GTF2F2: variants seen among roughly 807,000 people sequenced by gnomAD.
GTF2F2 encodes the protein general transcription factor IIF subunit 2.
Under a neutral mutation model 42.2 loss-of-function variants are expected in GTF2F2, and 23 were observed. The ratio of observed to expected loss-of-function variants is 0.55; its 90% confidence interval spans 0.39 to 0.77. GTF2F2 has a LOEUF of 0.77. GTF2F2 is among the 30% of genes least tolerant of loss of function. The probability of loss-of-function intolerance (pLI) is 0.00; values close to 1 mark genes in which losing one functional copy is unlikely to be tolerated. For synonymous variants in GTF2F2, 105 were observed against 100.8 expected (o/e 1.04, Z -0.25); for missense variants, 261 against 287.2 (o/e 0.91, Z 0.66).
At chr13:45,171,283 C>T (rs180755679) in intron 4 of GTF2F2, among the ~76,000 whole-genome samples, 17 of 151,962 alleles carry the variant, frequency 1.1e-4, no homozygotes, top group Admixed American at 7.2e-4. Flanking sequence ...TTCGCCATGT[C>T]GGCCAGGCTG....
intron 5 of GTF2F2, among the ~76,000 whole-genome samples, chr13:45,251,729 A>G (rs928358105): frequency 3.3e-5 from 5 of 152,048 alleles, no homozygotes; most frequent in African/African-American, 1.2e-4. Flanking sequence ...GTAGTTTCTC[A>G]GTGAGGATCT....
At chr13:45,279,318 T>A (rs1877163561) in intron 7 of GTF2F2, among the ~76,000 whole-genome samples, 1 of 152,208 alleles carries the variant, frequency 6.6e-6, no homozygotes, top group Non-Finnish European at 1.5e-5. Context: ...TTAAAACCTC[T>A]TCTTCAGTTG....
chr13:45,226,512 C>T (rs957035), intron 5 of GTF2F2, among the ~76,000 whole-genome samples: 33,180 of 152,050 alleles, frequency 0.22, 3,881 homozygotes, highest in African/African-American at 0.27. Context: ...CAGAGACATA[C>T]TATTTTGATT....
intron 6 of GTF2F2, among the ~76,000 whole-genome samples, chr13:45,264,218 C>T (rs182027147): frequency 1.5e-4 from 23 of 151,690 alleles, no homozygotes; most frequent in African/African-American, 4.8e-4. Flanking sequence ...ACATTAACTT[C>T]AATTTGAGAT....
At chr13:45,265,312 A>G (rs1876519621) in intron 6 of GTF2F2, among the ~76,000 whole-genome samples, 1 of 151,812 alleles carries the variant, frequency 6.6e-6, no homozygotes, top group South Asian at 2.1e-4. Context: ...TAACAATACA[A>G]TCTGTGTCAT....
chr13:45,121,382 AG>A (rs1868624635), intron 1 of GTF2F2, among the ~76,000 whole-genome samples: 1 of 152,218 alleles, frequency 6.6e-6, no homozygotes, highest in South Asian at 2.1e-4. Context: ...GTTTTCTCCT[AG>A]GGGAGTTTCA....
At chr13:45,125,384 A>G (rs376281804) in intron 1 of GTF2F2, among the ~76,000 whole-genome samples, 1 of 151,922 alleles carries the variant, frequency 6.6e-6, no homozygotes, top group African/African-American at 2.4e-5. Context: ...CAGTGGCGCA[A>G]TCTTGGCTCA....
chr13:45,177,851 G>A (rs1340274225), intron 4 of GTF2F2, among the ~76,000 whole-genome samples: 1 of 152,160 alleles, frequency 6.6e-6, no homozygotes, highest in Non-Finnish European at 1.5e-5. Context: ...GTATTCTACT[G>A]TTAGTTTTAT....
At chr13:45,125,642 G>T (rs958274267) in intron 1 of GTF2F2, among the ~76,000 whole-genome samples, 1 of 152,036 alleles carries the variant, frequency 6.6e-6, no homozygotes, top group African/African-American at 2.4e-5. Context: ...CTCTTTAATG[G>T]GTTATCTCCC....
intron 2 of GTF2F2, among the ~76,000 whole-genome samples, chr13:45,137,795 A>T (rs957863995): frequency 2.6e-5 from 4 of 151,980 alleles, no homozygotes; most frequent in Non-Finnish European, 4.4e-5. Context: ...GGGAAAACAG[A>T]CTCCACCTTT....
At chr13:45,262,909 T>C (rs1876405435) in intron 6 of GTF2F2, among the ~76,000 whole-genome samples, 1 of 151,678 alleles carries the variant, frequency 6.6e-6, no homozygotes, top group Admixed American at 6.6e-5. Context: ...GCTAATTTTG[T>C]AGAGATGGGT....
chr13:45,211,851 G>T (rs1440906853), intron 5 of GTF2F2, among the ~76,000 whole-genome samples: 2 of 152,126 alleles, frequency 1.3e-5, no homozygotes, highest in Admixed American at 1.3e-4. Flanking sequence ...CTCCCAAAGT[G>T]CTGGGATTAC....
intron 2 of GTF2F2, among the ~76,000 whole-genome samples, chr13:45,139,668 A>G (rs1869824416): frequency 6.6e-6 from 1 of 152,156 alleles, no homozygotes; most frequent in South Asian, 2.1e-4. Flanking sequence ...TCCTTCTACT[A>G]TACCCATCTG....
chr13:45,137,993 C>T (rs1442578895), intron 2 of GTF2F2, among the ~76,000 whole-genome samples: 2 of 152,286 alleles, frequency 1.3e-5, no homozygotes, highest in South Asian at 2.1e-4. Flanking sequence ...CGGCCACGTC[C>T]ACATTCCTAA....
At chr13:45,163,941 G>A (rs981490727) in intron 4 of GTF2F2, among the ~76,000 whole-genome samples, 15 of 151,806 alleles carry the variant, frequency 9.9e-5, no homozygotes, top group African/African-American at 3.6e-4. Flanking sequence ...ATCACTTAAG[G>A]CCAGGAGTTT....
At chr13:45,223,567 ACTT>A (rs752691432) in intron 5 of GTF2F2, among the ~76,000 whole-genome samples, 22 of 152,278 alleles carry the variant, frequency 1.4e-4, no homozygotes, top group African/African-American at 5.1e-4. Flanking sequence ...AGCAGTTTAT[ACTT>A]CTATTTGTGT....
intron 6 of GTF2F2, among the ~76,000 whole-genome samples, 172 bp downstream of exon 6, chr13:45,253,142 G>GA (rs1478946150): frequency 2.0e-5 from 3 of 151,796 alleles, no homozygotes; most frequent in African/African-American, 7.3e-5. Flanking sequence ...TAAAAGTACA[G>GA]AAAAGATGTT....
chr13:45,267,603 A>C (rs955003850), intron 7 of GTF2F2, among the ~76,000 whole-genome samples: 2 of 152,122 alleles, frequency 1.3e-5, no homozygotes, highest in Non-Finnish European at 2.9e-5. Context: ...AATTATCCTC[A>C]TGTTCATTTA....
chr13:45,266,333 A>G (rs561577622), intron 6 of GTF2F2, among the ~76,000 whole-genome samples: 2 of 152,358 alleles, frequency 1.3e-5, no homozygotes, highest in South Asian at 4.1e-4. Context: ...TGATAAGTAT[A>G]TAATTACCCC....
Sources: allele counts gnomAD v4.1 joint callset (sites outside exome capture counted in the v4.1 genomes callset), GRCh38; gene constraint gnomAD v4.1.1; transcripts MANE v1.5; gene names NCBI Gene and HGNC (gene_info 2026-07-23, HGNC 2026-07-21).